The following DYM variants were observed in gnomAD, a reference collection of about 807,000 sequenced individuals.
DYM encodes dyggve-Melchior-Clausen syndrome protein.
DYM carries 78 observed loss-of-function variants against 93.1 expected under a neutral mutation model. The observed-to-expected ratio is 0.84, with a 90% CI of 0.70 to 1.01. The LOEUF is 1.01. DYM is among the 50% of genes least tolerant of loss of function. The probability of loss-of-function intolerance (pLI) is 0.00; values close to 1 mark genes in which losing one functional copy is unlikely to be tolerated. For missense variants in DYM, 789 were observed against 845.0 expected (o/e 0.93, Z 0.82); for synonymous variants, 321 against 319.7 (o/e 1.00, Z -0.04).
chr18:49,061,388 G>A (rs1437843288), intron 17 of DYM, among the ~76,000 whole-genome samples: 1 of 152,184 alleles, frequency 6.6e-6, no homozygotes, highest in Non-Finnish European at 1.5e-5. Context: ...AAGCACAAGG[G>A]TGCCCACGGA....
At chr18:49,359,114 G>A (rs976803340) in intron 6 of DYM, among the ~76,000 whole-genome samples, 1 of 152,030 alleles carries the variant, frequency 6.6e-6, no homozygotes, top group Admixed American at 6.6e-5. Context: ...ACCTACCCAC[G>A]TTCTTTCTGT....
chr18:49,201,681 T>C (rs2092000063), intron 14 of DYM, among the ~76,000 whole-genome samples: 2 of 152,260 alleles, frequency 1.3e-5, no homozygotes, highest in African/African-American at 4.8e-5. Flanking sequence ...ATTACTGCCT[T>C]AGCATATGTC....
intron 14 of DYM, chr18:49,208,795 A>G (rs1409665566): frequency 1.3e-5 from 2 of 152,138 alleles, no homozygotes; most frequent in Non-Finnish European, 2.9e-5. Context: ...TAGTGCTGGT[A>G]TAAGTCATCT....
chr18:49,274,836 T>C (rs1434312114), intron 10 of DYM, among the ~76,000 whole-genome samples: 1 of 152,174 alleles, frequency 6.6e-6, no homozygotes, highest in Non-Finnish European at 1.5e-5. Flanking sequence ...TGGGTTGTCC[T>C]TCTACTATTG....
chr18:49,305,167 T>G lies in DYM; in HGVS notation c.764-18551A>C, dbSNP rs181737337. On this transcript the variant is annotated intron_variant, in intron 8 of 17. Transcript: ENST00000675505. Reference sequence around the variant, plus strand: ...TTCTGAAGTTCAGTACTGAAATCACTTTCTTGCTGATGCCTTCCCAATTCC... The same window carrying G: ...TTCTGAAGTTCAGTACTGAAATCACGTTCTTGCTGATGCCTTCCCAATTCC... 7.5e-4 allele frequency among the ~76,000 whole-genome samples: 114 copies of G among 152,300 alleles called. 4 individuals are homozygous for G. The East Asian group carries it at 0.021, about 28-fold the overall frequency.
intron 15 of DYM, among the ~76,000 whole-genome samples, chr18:49,126,940 A>G (rs1171480194): frequency 1.3e-5 from 2 of 152,224 alleles, no homozygotes; most frequent in African/African-American, 4.8e-5. Context: ...AAAAGTAGTC[A>G]ATGTATAGAA....
intron 11 of DYM, among the ~76,000 whole-genome samples, chr18:49,261,249 C>G (rs922499607): frequency 6.6e-6 from 1 of 152,204 alleles, no homozygotes; most frequent in Non-Finnish European, 1.5e-5. Flanking sequence ...AACTCTCTGG[C>G]CCCACATCAC....
At chr18:49,373,031 A>T (rs1427342948) in intron 5 of DYM, among the ~76,000 whole-genome samples, 1 of 152,196 alleles carries the variant, frequency 6.6e-6, no homozygotes, top group Non-Finnish European at 1.5e-5. Context: ...TGGGGGGTGC[A>T]GGGATACTCT....
At chr18:49,316,143 G>A (rs192751850) in intron 8 of DYM, among the ~76,000 whole-genome samples, 284 of 152,166 alleles carry the variant, frequency 1.9e-3, no homozygotes, top group Middle Eastern at 6.8e-3. Context: ...TTAGCCGGGC[G>A]TGGCGGCGCA....
chr18:49,041,072 T>G lies in DYM; in HGVS notation c.*2983A>C, dbSNP rs2070895395. Among the ~76,000 whole-genome samples, 1 of 152,162 alleles carries G rather than the reference T, an allele frequency of 6.6e-6. No homozygotes were observed. Among genetic ancestry groups the G allele is most frequent in the Non-Finnish European group, 1.5e-5 (1 of 68,036 alleles). ...TTCTATGCTTCACCTTCAGGGACCT[T>G]CTCTTCTTTCCTTTCTCTGTCTTTG... On this transcript the variant is annotated 3_prime_UTR_variant, in exon 18 of 18. Coordinates refer to ENST00000675505, the MANE Select transcript of DYM (RefSeq NM_001353214.3).
intron 13 of DYM, among the ~76,000 whole-genome samples, chr18:49,236,159 C>T (rs577431601): frequency 6.0e-4 from 92 of 152,194 alleles, no homozygotes; most frequent in African/African-American, 2.1e-3. Flanking sequence ...GAATGGCCTG[C>T]GAAATGCCCA....
At chr18:49,372,642 G>C (rs1316301467) in intron 5 of DYM, among the ~76,000 whole-genome samples, 1 of 152,190 alleles carries the variant, frequency 6.6e-6, no homozygotes, top group Admixed American at 6.5e-5. Flanking sequence ...CTACTCAGGA[G>C]GCTGATACAG....
chr18:49,117,793 C>T (rs2082034748), intron 16 of DYM, among the ~76,000 whole-genome samples: 1 of 152,134 alleles, frequency 6.6e-6, no homozygotes, highest in African/African-American at 2.4e-5. Context: ...CAGTGCTCTC[C>T]TTTGGTTAAG....
intron 11 of DYM, among the ~76,000 whole-genome samples, chr18:49,260,573 A>G (rs1476829310): frequency 6.6e-6 from 1 of 152,234 alleles, no homozygotes; most frequent in Non-Finnish European, 1.5e-5. Flanking sequence ...GAAAAAAATC[A>G]TGAAAAACAA....
rs570844767 is a variant in DYM at position 49,079,353 on chromosome 18, G to A, written c.2025+18049C>T. ...TTCTGTGGATGTCGGGACATTTTGGGTTGTATCCTGAATAATATTAATGTT... is the reference window on the plus strand; with the variant it reads ...TTCTGTGGATGTCGGGACATTTTGGATTGTATCCTGAATAATATTAATGTT... On this transcript the variant is annotated intron_variant, in intron 17 of 17. Transcript: ENST00000675505. Among the ~76,000 whole-genome samples, 3 of 151,298 alleles carry A rather than the reference G, an allele frequency of 2.0e-5. No homozygotes were observed. The East Asian group carries it at 5.8e-4, about 29-fold the overall frequency.
In DYM at chr18:49,121,195, T is replaced by C. The variant is rs764254811; in HGVS notation, c.1729-2269A>G. 9.2e-5 allele frequency among the ~76,000 whole-genome samples: 14 copies of C among 152,168 alleles called. 1 individual carries two copies. The highest frequency in any genetic ancestry group is 1.4e-4 in the African/African-American group (6 of 41,452). On this transcript the variant is annotated intron_variant, in intron 15 of 17. Coordinates refer to ENST00000675505, the MANE Select transcript of DYM (RefSeq NM_001353214.3). Reference sequence around the variant, plus strand: ...GGAATTTCAGCAGAGTTAAAAACTATAAGAAAGAGACAAATGGTAATGCTA... The same window carrying C: ...GGAATTTCAGCAGAGTTAAAAACTACAAGAAAGAGACAAATGGTAATGCTA...
Position 49,290,755 on chromosome 18 carries a change from C to T in DYM, c.764-4139G>A, listed in dbSNP as rs184549673. Among the ~76,000 whole-genome samples the T allele has an allele frequency of 2.6e-5, 4 of 152,232 alleles. No homozygotes were observed. The East Asian group carries it at 7.7e-4, about 29-fold the overall frequency. ...ATCTACAGGTCCCTGGCAGGGTCCACTGTAGACAGTGGTCATTCGTCATGG... is the reference window on the plus strand; with the variant it reads ...ATCTACAGGTCCCTGGCAGGGTCCATTGTAGACAGTGGTCATTCGTCATGG... On this transcript the variant is annotated intron_variant, in intron 8 of 17. Transcript: ENST00000675505.
chr18:49,297,590 G>GT (rs1262559166), intron 8 of DYM, among the ~76,000 whole-genome samples: 1 of 152,066 alleles, frequency 6.6e-6, no homozygotes, highest in African/African-American at 2.4e-5. Flanking sequence ...GAAAAACACT[G>GT]TATGTATCCC....
intron 8 of DYM, among the ~76,000 whole-genome samples, chr18:49,287,236 A>G (rs919254460): frequency 3.9e-5 from 6 of 152,064 alleles, no homozygotes; most frequent in Admixed American, 3.3e-4. Context: ...CTTTGTTTCT[A>G]AAGTACAAGA....
Sources: gnomAD v4.1 joint callset for allele counts (sites outside exome capture counted in the v4.1 genomes callset) on GRCh38, gnomAD v4.1.1 for gene constraint, MANE v1.5 for transcripts, NCBI Gene and HGNC (gene_info 2026-07-23, HGNC 2026-07-21) for gene names.